OR2A7: variants seen among roughly 807,000 people sequenced by gnomAD.
The protein encoded by OR2A7 is olfactory receptor family 2 subfamily A member 7.
For missense variants in OR2A7, 35 were observed against 359.2 expected, an observed-to-expected ratio of 0.10 and a Z score of 7.30; for synonymous variants, 10 against 147.1, an observed-to-expected ratio of 0.07 and a Z score of 6.74.
Position 144,258,585 on chromosome 7 carries a change from T to G in OR2A7, c.*111A>C. On this transcript the variant is annotated 3_prime_UTR_variant, in exon 2 of 2. Coordinates refer to ENST00000641841, the MANE Select transcript of OR2A7 (RefSeq NM_001005328.2). The stretch of plus-strand genomic sequence containing the variant: ...CTCCATTTTAAATAAATGTCTCAGA[T>G]AATTCTCATGTCCATTGAGGGCAGA... 1 of 669,326 alleles carries G rather than the reference T, an allele frequency of 1.5e-6. No homozygotes were observed. The highest frequency in any genetic ancestry group is 3.3e-5 in the Admixed American group (1 of 30,216). 41.5% of individuals were successfully genotyped at this position (669,326 alleles called of 1,614,324 possible).
chr7:144,262,018 G>A (rs1196087743), intron 1 of OR2A7, among the ~76,000 whole-genome samples: 2 of 151,772 alleles, frequency 1.3e-5, no homozygotes, highest in Admixed American at 1.3e-4. Context: ...GTGCTTTTGA[G>A]AAGGGAAGGT....
intron 1 of OR2A7, among the ~76,000 whole-genome samples, chr7:144,259,966 C>T (rs1176605937): frequency 1.5e-5 from 2 of 130,830 alleles, no homozygotes; most frequent in African/African-American, 2.8e-5. Flanking sequence ...AAAATTAGCC[C>T]GGCGTGGCGG....
rs2052592766 is a variant in OR2A7 at position 144,258,765 on chromosome 7, G to T, written c.864C>A (p.Ile288=). 6.3e-7 allele frequency: 1 copy of T among 1,597,904 alleles called. No homozygotes were observed. The highest frequency in any genetic ancestry group is 1.7e-5 in the Admixed American group (1 of 58,948). Residue 288 remains isoleucine (I), a synonymous_variant, in exon 2 of 2, where the codon ATC becomes ATA. Transcript: ENST00000641841. The stretch of plus-strand genomic sequence containing the variant: ...TCACTTCTGAGTTCCTAAGACTACA[G>T]ATAAGGGGATTGAGCATGGGATTAA... ...SLFNPMLNPL[I]CSLRNSEVKN...
intron 1 of OR2A7, among the ~76,000 whole-genome samples, chr7:144,261,310 A>G (rs1292815730): frequency 6.6e-6 from 1 of 150,776 alleles, no homozygotes; most frequent in Admixed American, 6.7e-5. Context: ...TAACTTAATG[A>G]GCTTCTGTAT....
rs1412074627 is a variant in OR2A7 at position 144,264,078 on chromosome 7, G to GA, written c.-5+622dup. Reference sequence around the variant, plus strand: ...GGTCCCACAAGATTATAATGGGGGTGAAAAAATCATATTGCCAACTGATGT... The same window carrying GA: ...GGTCCCACAAGATTATAATGGGGGTGAAAAAAATCATATTGCCAACTGATGT... On this transcript the variant is annotated intron_variant, in intron 1 of 1. Transcript: ENST00000641841. Among the ~76,000 whole-genome samples, 41 of 147,780 alleles carry GA rather than the reference G, an allele frequency of 2.8e-4. 1 individual carries two copies. Among genetic ancestry groups the GA allele is most frequent in the Non-Finnish European group, 4.5e-4 (30 of 66,324 alleles).
intron 1 of OR2A7, among the ~76,000 whole-genome samples, chr7:144,260,137 G>GAAAAA (rs1168373585): frequency 7.9e-6 from 1 of 126,478 alleles, no homozygotes. Context: ...AAAAGAAAAG[G>GAAAAA]AAAAAAAACG....
chr7:144,260,474 A>G (rs971662953), intron 1 of OR2A7, among the ~76,000 whole-genome samples: 2 of 151,594 alleles, frequency 1.3e-5, no homozygotes, highest in African/African-American at 4.8e-5. Context: ...TTAATCTTAA[A>G]GTGGAAGGTT....
Position 144,264,753 on chromosome 7 carries a change from A to G in OR2A7, c.-57T>C, listed in dbSNP as rs1480564007. On this transcript the variant is annotated 5_prime_UTR_variant, in exon 1 of 2. An upstream start codon of the reference 5' UTR is lost. Coordinates refer to ENST00000641841, the MANE Select transcript of OR2A7 (RefSeq NM_001005328.2). Reference sequence around the variant, plus strand: ...CAATGTCAGAATCACTTGACCGCACATTTCTCAGAACGTATCCGCATCATT... The same window carrying G: ...CAATGTCAGAATCACTTGACCGCACGTTTCTCAGAACGTATCCGCATCATT... 2.6e-5 allele frequency: 4 copies of G among 151,748 alleles called. No individual in the cohort carries two copies. The highest frequency in any genetic ancestry group is 7.3e-5 in the African/African-American group (3 of 41,336). The allele number at this position is 151,748 out of a possible 1,614,324, so 9.4% of individuals were successfully genotyped here. A position where few individuals can be genotyped will look rare whatever the true frequency, so the allele number is the denominator to read the frequency against.
Sources: allele counts gnomAD v4.1 joint callset (sites outside exome capture counted in the v4.1 genomes callset), GRCh38; gene constraint gnomAD v4.1.1; transcripts MANE v1.5; gene names NCBI Gene and HGNC (gene_info 2026-07-23, HGNC 2026-07-21).